SORCS2: variants seen among roughly 807,000 people sequenced by gnomAD.
The protein encoded by SORCS2 is sortilin related VPS10 domain containing receptor 2.
SORCS2 carries 100 observed loss-of-function variants against 141.6 expected under a neutral mutation model. The observed-to-expected ratio is 0.71, with a 90% confidence interval of 0.60 to 0.83. The LOEUF (loss-of-function observed/expected upper bound fraction) is 0.83, where lower values mean the gene tolerates loss of function less well. Ranked by LOEUF, SORCS2 falls within the 40% of genes least tolerant of loss-of-function variation. The pLI is 0.00. For synonymous variants in SORCS2, 789 were observed against 676.9 expected (o/e 1.17, Z -2.57); for missense variants, 1,646 against 1,560.2 (o/e 1.05, Z -0.93).
At chr4:7,531,794 CT>C (rs1208673754) in intron 3 of SORCS2, among the ~76,000 whole-genome samples, 165 bp downstream of exon 3, 1 of 152,278 alleles carries the variant, frequency 6.6e-6, no homozygotes, top group Non-Finnish European at 1.5e-5. Context: ...CCGGTGCTAC[CT>C]GACACCATTC....
chr4:7,278,196 A>G (rs1482844610), intron 1 of SORCS2, among the ~76,000 whole-genome samples: 1 of 151,178 alleles, frequency 6.6e-6, no homozygotes, highest in African/African-American at 2.5e-5. Flanking sequence ...AATAGCGTGT[A>G]AGTCCCCACC....
At chr4:7,689,001 C>T (rs936713291) in intron 10 of SORCS2, among the ~76,000 whole-genome samples, 4 of 152,190 alleles carry the variant, frequency 2.6e-5, no homozygotes, top group African/African-American at 9.7e-5. Context: ...ACATAAGAGG[C>T]TCCCAATAAA....
At chr4:7,550,486 C>T (rs914572492) in intron 3 of SORCS2, among the ~76,000 whole-genome samples, 2 of 152,296 alleles carry the variant, frequency 1.3e-5, no homozygotes, top group South Asian at 2.1e-4. Flanking sequence ...CAGACACCAA[C>T]GCAGGCTCAC....
At chr4:7,235,277 G>A (rs1265049794) in intron 1 of SORCS2, among the ~76,000 whole-genome samples, 1 of 152,258 alleles carries the variant, frequency 6.6e-6, no homozygotes, top group Non-Finnish European at 1.5e-5. Context: ...AGGCTCAGCT[G>A]AGGCAGGGAA....
intron 2 of SORCS2, among the ~76,000 whole-genome samples, chr4:7,466,670 G>A (rs1439721621): frequency 2.6e-5 from 4 of 152,174 alleles, no homozygotes; most frequent in African/African-American, 9.7e-5. Context: ...CTGAGCCCGG[G>A]GAGCAGGGAA....
chr4:7,653,431 C>T (rs113601055), intron 4 of SORCS2, among the ~76,000 whole-genome samples: 33 of 152,164 alleles, frequency 2.2e-4, no homozygotes, highest in African/African-American at 6.5e-4. Context: ...TTAGTAGAGG[C>T]GGGGTTTCTC....
chr4:7,375,883 C>T (rs1473953246), intron 1 of SORCS2, among the ~76,000 whole-genome samples: 6 of 133,004 alleles, frequency 4.5e-5, no homozygotes, highest in Middle Eastern at 3.5e-3. Context: ...TACCATCGGC[C>T]GCTTGTTATT....
chr4:7,378,919 C>A (rs1200134307), intron 1 of SORCS2, among the ~76,000 whole-genome samples: 1 of 152,224 alleles, frequency 6.6e-6, no homozygotes, highest in Non-Finnish European at 1.5e-5. Context: ...CGGATGCATT[C>A]TTGGCCTTTT....
chr4:7,704,800 C>T (rs911811316), intron 14 of SORCS2, among the ~76,000 whole-genome samples: 1 of 152,218 alleles, frequency 6.6e-6, no homozygotes, highest in Non-Finnish European at 1.5e-5. Context: ...TGCACCGCTG[C>T]GGCCGCAATG....
chr4:7,602,448 C>T (rs1577823475), intron 3 of SORCS2, among the ~76,000 whole-genome samples: 4 of 151,282 alleles, frequency 2.6e-5, no homozygotes, highest in African/African-American at 9.7e-5. Flanking sequence ...GGGTCGCGGC[C>T]AGGCAGAGGC....
At chr4:7,258,338 C>G (rs1714059712) in intron 1 of SORCS2, among the ~76,000 whole-genome samples, 1 of 152,232 alleles carries the variant, frequency 6.6e-6, no homozygotes, top group East Asian at 1.9e-4. Context: ...GTGATGTTCC[C>G]CTCTCTGTCC....
intron 1 of SORCS2, among the ~76,000 whole-genome samples, chr4:7,343,816 T>C (rs1226817578): frequency 6.6e-6 from 1 of 152,188 alleles, no homozygotes; most frequent in African/African-American, 2.4e-5. Context: ...CCAAAGCACC[T>C]GACTTCCTTC....
At position 7,599,604 on chromosome 4, in the gene SORCS2, C is replaced by T. The variant is rs144654846; in HGVS notation, c.649-38724C>T. On this transcript the variant is annotated intron_variant, in intron 3 of 26. Transcript: ENST00000507866. ...TCCCTGCTTCCCTGCAAACTGCACACGTGTCCCACACACCCGGTTCCATTC... is the reference window on the plus strand; with the variant it reads ...TCCCTGCTTCCCTGCAAACTGCACATGTGTCCCACACACCCGGTTCCATTC... Among the ~76,000 whole-genome samples the T allele has an allele frequency of 3.0e-3, 459 of 152,274 alleles. 2 individuals carry two copies. The highest frequency in any genetic ancestry group is 0.011 in the African/African-American group (440 of 41,564).
intron 3 of SORCS2, among the ~76,000 whole-genome samples, chr4:7,583,353 CT>C (rs1375512540): frequency 2.0e-5 from 3 of 152,268 alleles, no homozygotes; most frequent in African/African-American, 7.2e-5. Context: ...TCCAACCCCC[CT>C]ACACTCCTGC....
In SORCS2 at chr4:7,614,798, A is replaced by G. The variant is rs889235732; in HGVS notation, c.649-23530A>G. Among the ~76,000 whole-genome samples, 3 of 150,560 alleles carry G rather than the reference A, an allele frequency of 2.0e-5. No individual in the cohort carries two copies. In the South Asian group the frequency reaches 6.3e-4, roughly 32 times the overall value. On this transcript the variant is annotated intron_variant, in intron 3 of 26. Coordinates refer to ENST00000507866, the MANE Select transcript of SORCS2 (RefSeq NM_020777.3). Reference sequence around the variant, plus strand: ...TCATTCACCCATAATCCATTCATCCATCCACCTATCCACCAACCACCATCC... The same window carrying G: ...TCATTCACCCATAATCCATTCATCCGTCCACCTATCCACCAACCACCATCC...
chr4:7,220,774 T>G (rs1413574422), intron 1 of SORCS2, among the ~76,000 whole-genome samples: 2 of 152,128 alleles, frequency 1.3e-5, no homozygotes, highest in Non-Finnish European at 2.9e-5. Context: ...ACTTTCCAGC[T>G]CCTTCCCAAG....
chr4:7,466,062 C>T (rs540199838), intron 2 of SORCS2, among the ~76,000 whole-genome samples: 2 of 152,352 alleles, frequency 1.3e-5, no homozygotes, highest in Admixed American at 6.5e-5. Context: ...CTATCCACAT[C>T]ATGGGTATTC....
intron 3 of SORCS2, among the ~76,000 whole-genome samples, chr4:7,564,660 G>T (rs1260607767): frequency 1.3e-5 from 2 of 152,204 alleles, no homozygotes; most frequent in Non-Finnish European, 2.9e-5. Context: ...CAGCCGGGAG[G>T]TGGCTGCTGT....
At chr4:7,689,191 G>A (rs558858274) in intron 10 of SORCS2, among the ~76,000 whole-genome samples, 51 of 152,200 alleles carry the variant, frequency 3.4e-4, no homozygotes, top group Non-Finnish European at 3.5e-4. Flanking sequence ...GGGGCTGTAG[G>A]AGTCCCTAAT....
Sources: gnomAD v4.1 joint callset for allele counts (sites outside exome capture counted in the v4.1 genomes callset) on GRCh38, gnomAD v4.1.1 for gene constraint, MANE v1.5 for transcripts, NCBI Gene and HGNC (gene_info 2026-07-23, HGNC 2026-07-21) for gene names.